PFKFB2: variants seen among roughly 807,000 people sequenced by gnomAD.
PFKFB2 encodes 6-phosphofructo-2-kinase/fructose-2,6-bisphosphatase 2.
A neutral mutation model predicts 68.0 loss-of-function variants in PFKFB2; 53 were observed. That is an observed-to-expected ratio of 0.78 (90% CI 0.63 to 0.98). The LOEUF (loss-of-function observed/expected upper bound fraction) is 0.98. Ranked by LOEUF, PFKFB2 falls within the 50% of genes least tolerant of loss-of-function variation. The pLI, the probability that PFKFB2 is intolerant of heterozygous loss-of-function variation, is 0.00. For synonymous variants in PFKFB2, 222 were observed against 227.6 expected (o/e 0.98, Z 0.22); for missense variants, 451 against 642.0 (o/e 0.70, Z 3.22).
Position 207,072,979 on chromosome 1 carries a change from G to A in PFKFB2, c.*608G>A. 5.1e-6 allele frequency: 5 copies of A among 985,616 alleles called. No individual in the cohort carries two copies. The highest frequency in any genetic ancestry group is 1.7e-5 in the African/African-American group (1 of 57,328). 61.1% of individuals were successfully genotyped at this position (985,616 alleles called of 1,614,324 possible). ...GCCCAGTTAATGCTTTCTGCAGTGGGTCTAAATGGATCTGGACTGGAGGAG... is the reference window on the plus strand; with the variant it reads ...GCCCAGTTAATGCTTTCTGCAGTGGATCTAAATGGATCTGGACTGGAGGAG... On this transcript the variant is annotated 3_prime_UTR_variant, in exon 15 of 15. Transcript: ENST00000367080.
At chr1:207,049,115 G>A (rs114863905), upstream of PFKFB2, 641 of 1,613,940 alleles carry the variant, frequency 4.0e-4, 7 homozygotes, top group African/African-American at 7.6e-3. Context: ...ATGCATCTCA[G>A]GGTGAAGCGG....
At chr1:207,047,028 G>A (rs1278241823) in intron 2 of PFKFB2, 1 of 152,296 alleles carries the variant, frequency 6.6e-6, no homozygotes, top group Non-Finnish European at 1.5e-5. Flanking sequence ...TTATCTAGTG[G>A]TATATTCTTA....
Position 207,076,001 on chromosome 1 carries a change from G to C in PFKFB2, c.*3630G>C, listed in dbSNP as rs754966239. The C allele has an allele frequency of 1.7e-5, 17 of 985,256 alleles. No homozygotes were observed. Among genetic ancestry groups the C allele is most frequent in the Non-Finnish European group, 1.9e-5 (16 of 829,930 alleles). The allele number at this position is 985,256 out of a possible 1,614,324, so 61.0% of individuals were successfully genotyped here. ...AGAAAAGCTTCTAAAAACTTGCATT[G>C]TGCTAGGGATCTGCCCTATATCTTT... is the stretch of plus-strand genomic sequence containing the variant. On this transcript the variant is annotated 3_prime_UTR_variant, in exon 15 of 15. Transcript: ENST00000367080.
intron 2 of PFKFB2, chr1:207,044,641 G>T (rs1381698482): frequency 6.6e-6 from 1 of 152,286 alleles, no homozygotes. Flanking sequence ...ATACTTTAAT[G>T]ATAAGCTTTT....
intron 2 of PFKFB2, among the ~76,000 whole-genome samples, chr1:207,060,021 G>A (rs1003807247): frequency 3.3e-5 from 5 of 152,172 alleles, no homozygotes; most frequent in Non-Finnish European, 1.5e-5. Flanking sequence ...TTCCCTCATT[G>A]GAGCCGGCAG....
chr1:207,070,178 C>T lies in PFKFB2; in HGVS notation c.1093-102C>T, dbSNP rs1683424652. 5 of 1,392,992 alleles carry T rather than the reference C, an allele frequency of 3.6e-6. No individual in the cohort carries two copies. The Admixed American group carries it at 6.0e-5, about 17-fold the overall frequency. 86.3% of individuals were successfully genotyped at this position (1,392,992 alleles called of 1,614,324 possible). A position where few individuals can be genotyped will look rare whatever the true frequency, so the allele number is the denominator to read the frequency against. On this transcript the variant is annotated intron_variant, in intron 11 of 14. Coordinates refer to ENST00000367080, the MANE Select transcript of PFKFB2 (RefSeq NM_006212.2). This position sits in a 1 kb window ranked among gnomAD's most constrained non-coding sequence, Gnocchi z 4.2. Reference sequence around the variant, plus strand: ...ACTGAGCCTCCAGGAGGAAAGCCAGCTGAGGAAGAAGAAGTGGCCCTTAGT... The same window carrying T: ...ACTGAGCCTCCAGGAGGAAAGCCAGTTGAGGAAGAAGAAGTGGCCCTTAGT...
upstream of PFKFB2, among the ~76,000 whole-genome samples, chr1:207,052,689 A>C (rs1361071908): frequency 6.6e-6 from 1 of 151,764 alleles, no homozygotes; most frequent in Non-Finnish European, 1.5e-5. Flanking sequence ...AACAAAAAAA[A>C]CTCCAATGGG....
At chr1:207,051,150 G>T, upstream of PFKFB2, 1 of 1,421,110 alleles carries the variant, frequency 7.0e-7, no homozygotes, top group Non-Finnish European at 9.2e-7. Context: ...CCCTCAGAAC[G>T]AAGATGTAAA....
chr1:207,078,453 G>A (rs1341059314), downstream of PFKFB2, among the ~76,000 whole-genome samples: 1 of 152,196 alleles, frequency 6.6e-6, no homozygotes, highest in Non-Finnish European at 1.5e-5. Flanking sequence ...TGTTCTAGGG[G>A]AAAAATTTCC....
chr1:207,044,086 G>A (rs1682535829), intron 2 of PFKFB2: 1 of 152,374 alleles, frequency 6.6e-6, no homozygotes, highest in African/African-American at 2.4e-5. Context: ...TCTGCATTAA[G>A]AAAAAATATT....
downstream of PFKFB2, chr1:207,079,061 T>C (rs749521909): frequency 6.5e-7 from 1 of 1,532,416 alleles, no homozygotes; most frequent in South Asian, 1.1e-5. Flanking sequence ...ACGACTGGGA[T>C]CTACTGAAAA....
At chr1:207,071,390 T>C in intron 13 of PFKFB2, 119 bp from the exon 14 acceptor site, 1 of 1,018,350 alleles carries the variant, frequency 9.8e-7, no homozygotes, top group South Asian at 1.3e-5. Flanking sequence ...GAAAGGGATG[T>C]ATGCATGACT....
intron 1 of PFKFB2, chr1:207,035,092 A>G: frequency 1.1e-6 from 1 of 892,340 alleles, no homozygotes; most frequent in Non-Finnish European, 1.3e-6. Context: ...TATGTGTGTC[A>G]TTGCTCTTAG....
At chr1:207,061,091 A>G (rs1683082575) in intron 2 of PFKFB2, among the ~76,000 whole-genome samples, 1 of 106,918 alleles carries the variant, frequency 9.4e-6, no homozygotes, top group African/African-American at 4.8e-5. Context: ...ATATCTTTAT[A>G]TATATCTTTA....
Position 207,076,802 on chromosome 1 carries a change from T to C in PFKFB2, c.*4431T>C. On this transcript the variant is annotated 3_prime_UTR_variant, in exon 15 of 15. Transcript: ENST00000367080. ...TGTGTGCTGACTGATAGATAGACTA[T>C]AGTAAAATTTGGGTGTTGCCTGACT... 8.1e-6 allele frequency: 8 copies of C among 985,358 alleles called. No homozygotes were observed. The highest frequency in any genetic ancestry group is 9.6e-6 in the Non-Finnish European group (8 of 829,864). 61.0% of individuals were successfully genotyped at this position (985,358 alleles called of 1,614,324 possible). A position where few individuals can be genotyped will look rare whatever the true frequency, so the allele number is the denominator to read the frequency against.
chr1:207,065,278 C>T (rs1212455879), intron 8 of PFKFB2, 118 bp downstream of exon 8: 7 of 1,498,326 alleles, frequency 4.7e-6, no homozygotes, highest in South Asian at 1.4e-5. Flanking sequence ...GTGTTAACAT[C>T]ATCCCAGAGA....
intron 1 of PFKFB2, among the ~76,000 whole-genome samples, chr1:207,054,048 C>A (rs548560696): frequency 6.6e-6 from 1 of 151,394 alleles, no homozygotes; most frequent in Admixed American, 6.6e-5. Flanking sequence ...GGACTACAGG[C>A]GCGCACCACC....
intron 11 of PFKFB2, 39 bp downstream of exon 11, chr1:207,069,567 C>T (rs1683405814): frequency 1.6e-6 from 2 of 1,290,226 alleles, no homozygotes; most frequent in Admixed American, 1.7e-5. Flanking sequence ...TGCCTAGACC[C>T]TTGCTGAGTG....
upstream of PFKFB2, among the ~76,000 whole-genome samples, chr1:207,051,953 AGAG>A (rs544540656): frequency 5.1e-3 from 780 of 152,382 alleles, 7 homozygotes; most frequent in African/African-American, 0.017. Flanking sequence ...AAAGCCTTAA[AGAG>A]GAGATAACTG....
Sources: allele counts gnomAD v4.1 joint callset (sites outside exome capture counted in the v4.1 genomes callset), GRCh38; gene constraint gnomAD v4.1.1; non-coding constraint Gnocchi (gnomAD v3.1); transcripts MANE v1.5; gene names NCBI Gene and HGNC (gene_info 2026-07-23, HGNC 2026-07-21).